ZSWIM9: variants seen among roughly 807,000 people sequenced by gnomAD.
ZSWIM9 encodes the protein uncharacterized protein ZSWIM9.
In ZSWIM9, 11 loss-of-function variants were observed where a neutral mutation model predicts 25.0. The ratio of observed to expected loss-of-function variants is 0.44; its 90% CI spans 0.28 to 0.73. ZSWIM9 has a LOEUF of 0.73. ZSWIM9 is among the 30% of genes least tolerant of loss of function. ZSWIM9 has a pLI of 0.16. For missense variants in ZSWIM9, 1,070 were observed against 1,296.5 expected (o/e 0.83, Z 2.68); for synonymous variants, 562 against 582.1 (o/e 0.97, Z 0.50).
chr19:48,189,576 A>C (rs1372018708), intron 3 of ZSWIM9: 4 of 148,876 alleles, frequency 2.7e-5, no homozygotes, highest in Admixed American at 6.8e-5. Flanking sequence ...CTAAACAAAC[A>C]AAAAAAAAAG....
rs1265733591 is a variant in ZSWIM9 at position 48,197,208 on chromosome 19, T to C, written c.*381T>C. On this transcript the variant is annotated 3_prime_UTR_variant, in exon 4 of 4. Coordinates refer to ENST00000614654, the MANE Select transcript of ZSWIM9 (RefSeq NM_199341.4). ...TCTGGCAAGAGTAGACTGGCCAGTC[T>C]AGGGAGTGCAGCGGGGAGAGGGGAA... 8.6e-6 allele frequency: 6 copies of C among 698,852 alleles called. No homozygotes were observed. The Admixed American group carries it at 1.2e-4, about 14-fold the overall frequency. 43.3% of individuals were successfully genotyped at this position (698,852 alleles called of 1,614,324 possible).
Position 48,197,355 on chromosome 19 carries a change from T to G in ZSWIM9, c.*528T>G. 1.5e-6 allele frequency: 1 copy of G among 685,076 alleles called. No homozygotes were observed. The highest frequency in any genetic ancestry group is 2.7e-5 in the East Asian group (1 of 36,638). The allele number at this position is 685,076 out of a possible 1,614,324, so 42.4% of individuals were successfully genotyped here. A position where few individuals can be genotyped will look rare whatever the true frequency, so the allele number is the denominator to read the frequency against. ...CAGAAATGAAGACATGAGGAAAAGC[T>G]GGGGGAAGCAGGAGAGGAAGGGACG... On this transcript the variant is annotated 3_prime_UTR_variant, in exon 4 of 4. Transcript: ENST00000614654.
chr19:48,185,587 C>T (rs1168977230), intron 3 of ZSWIM9, among the ~76,000 whole-genome samples: 1 of 152,212 alleles, frequency 6.6e-6, no homozygotes, highest in African/African-American at 2.4e-5. Context: ...CATCCTGTCC[C>T]CCAGGTCCCC....
chr19:48,195,066 C>A lies in ZSWIM9; in HGVS notation c.1002C>A (p.Gly334=). The change falls in exon 4 of 4, where the codon GGC becomes GGA. Residue 334 remains glycine, a synonymous_variant. Coordinates refer to ENST00000614654, the MANE Select transcript of ZSWIM9 (RefSeq NM_199341.4). This position sits in a 1 kb window ranked among gnomAD's most constrained non-coding sequence, Gnocchi z 5.8. ...TCAGCAAGGCGCAGGAGCTGGGCGG[C>A]GCCGGCCGCGAGGACCCGGGCCTGT... ...TLFSKAQELG[G]AGREDPGLWS... is the part of the protein sequence containing the mutation. 2.2e-6 allele frequency: 3 copies of A among 1,372,342 alleles called. No homozygotes were observed. Among genetic ancestry groups the A allele is most frequent in the Non-Finnish European group, 9.3e-7 (1 of 1,071,778 alleles). 85.0% of individuals were successfully genotyped at this position (1,372,342 alleles called of 1,614,324 possible).
Position 48,171,791 on chromosome 19 carries a change from C to G in ZSWIM9, c.-9-3C>G. On this transcript the variant is annotated splice_polypyrimidine_tract_variant and splice_region_variant and intron_variant, in intron 1 of 3. Coordinates refer to ENST00000614654, the MANE Select transcript of ZSWIM9 (RefSeq NM_199341.4). ...TCCACCTGTTCTCCCCTCCTCCACG[C>G]AGGCCCCCAGGATGGAGCGGCCGGA... The G allele has an allele frequency of 1.3e-6, 2 of 1,527,326 alleles. No homozygotes were observed. Among genetic ancestry groups the G allele is most frequent in the Non-Finnish European group, 1.8e-6 (2 of 1,142,780 alleles). The allele number at this position is 1,527,326 out of a possible 1,614,324, so 94.6% of individuals were successfully genotyped here. A position where few individuals can be genotyped will look rare whatever the true frequency, so the allele number is the denominator to read the frequency against.
chr19:48,192,468 A>ATAT (rs1173330681), intron 3 of ZSWIM9, among the ~76,000 whole-genome samples: 772 of 23,174 alleles, frequency 0.033, 167 homozygotes, highest in Non-Finnish European at 0.057. Context: ...AAAAAAAAAA[A>ATAT]AAAAAAAAAA....
intron 3 of ZSWIM9, among the ~76,000 whole-genome samples, chr19:48,188,957 G>C (rs945054698): frequency 1.1e-4 from 16 of 152,048 alleles, no homozygotes; most frequent in Non-Finnish European, 1.8e-4. Context: ...CGTGAACCCG[G>C]AAGGCGGAGC....
intron 3 of ZSWIM9, among the ~76,000 whole-genome samples, chr19:48,187,075 G>A (rs980177971): frequency 2.6e-5 from 4 of 151,644 alleles, no homozygotes; most frequent in African/African-American, 4.8e-5. Context: ...CTTTGCTACC[G>A]GTTCTCAGCA....
rs1349047809 is a variant in ZSWIM9, at chr19:48,196,751, C to T, written c.2687C>T (p.Ala896Val). 18 of 1,233,390 alleles carry T rather than the reference C, an allele frequency of 1.5e-5. No individual in the cohort carries two copies. In the East Asian group the frequency reaches 2.8e-4, roughly 19 times the overall value. 76.4% of individuals were successfully genotyped at this position (1,233,390 alleles called of 1,614,324 possible). Residue 896 changes from alanine to valine, a missense_variant, in exon 4 of 4, where the codon GCG becomes GTG. By Grantham distance (64) the Ala-to-Val change is moderately conservative. This residue lies in a region of ZSWIM9 where 583 missense variants were observed against 624.7 expected (regional missense o/e 0.93). Coordinates refer to ENST00000614654, the MANE Select transcript of ZSWIM9 (RefSeq NM_199341.4). ...RRLPCRHLFA[A>V]RLLTGAALFH... The stretch of plus-strand genomic sequence containing the variant: ...CTGCCCTGCAGACACCTCTTTGCAG[C>T]GCGCCTCCTCACTGGGGCTGCCTTA...
chr19:48,195,978 G>A lies in ZSWIM9; in HGVS notation c.1914G>A (p.Gly638=). 7.6e-7 allele frequency: 1 copy of A among 1,312,058 alleles called. No individual in the cohort carries two copies. Among genetic ancestry groups the A allele is most frequent in the Non-Finnish European group, 9.7e-7 (1 of 1,034,612 alleles). 81.3% of individuals were successfully genotyped at this position (1,312,058 alleles called of 1,614,324 possible). A position where few individuals can be genotyped will look rare whatever the true frequency, so the allele number is the denominator to read the frequency against. Residue 638 remains glycine, a synonymous_variant, in exon 4 of 4, where the codon GGG becomes GGA. Coordinates refer to ENST00000614654, the MANE Select transcript of ZSWIM9 (RefSeq NM_199341.4). The surrounding 1 kb of genome is among the most constrained non-coding windows in gnomAD (Gnocchi z 5.8). ...RGAQLHDERA[G]GLRTAEWKGP... The stretch of plus-strand genomic sequence containing the variant: ...CGCAGCTGCACGATGAAAGGGCAGG[G>A]GGACTGAGAACTGCAGAATGGAAGG...
intron 3 of ZSWIM9, among the ~76,000 whole-genome samples, chr19:48,183,833 G>C (rs568446968): frequency 2.0e-5 from 3 of 150,282 alleles, no homozygotes; most frequent in Non-Finnish European, 4.4e-5. Context: ...ATGTTTGGCG[G>C]GGGGGGGTCT....
At chr19:48,176,006 G>A (rs561285498) in intron 2 of ZSWIM9, among the ~76,000 whole-genome samples, 51 of 152,320 alleles carry the variant, frequency 3.3e-4, no homozygotes, top group African/African-American at 1.2e-3. Flanking sequence ...AGGAGTTTGA[G>A]ACCAGCCTGG....
chr19:48,172,791 A>G (rs1395671050), intron 2 of ZSWIM9, among the ~76,000 whole-genome samples: 1 of 152,146 alleles, frequency 6.6e-6, no homozygotes, highest in African/African-American at 2.4e-5. Context: ...CTGGGATTAC[A>G]GCCGCGAGCC....
At chr19:48,174,068 C>A (rs2036868952) in intron 2 of ZSWIM9, among the ~76,000 whole-genome samples, 1 of 151,916 alleles carries the variant, frequency 6.6e-6, no homozygotes, top group African/African-American at 2.4e-5. Context: ...AGGTTTGCCC[C>A]AAACCCTGCC....
intron 2 of ZSWIM9, among the ~76,000 whole-genome samples, chr19:48,180,259 G>A (rs1409460135): frequency 6.6e-6 from 1 of 151,398 alleles, no homozygotes; most frequent in African/African-American, 2.4e-5. Context: ...CAGGTGATCC[G>A]CCCACCTCGG....
At chr19:48,171,352 A>G (rs1362280190) in intron 1 of ZSWIM9, 2 of 985,278 alleles carry the variant, frequency 2.0e-6, no homozygotes, top group Non-Finnish European at 1.2e-6. Flanking sequence ...GGCACATGGA[A>G]GGAGGAGTTC....
intron 1 of ZSWIM9, chr19:48,171,468 G>A: frequency 1.2e-6 from 1 of 826,592 alleles, no homozygotes; most frequent in Non-Finnish European, 1.5e-6. Context: ...ATGTCCTTAA[G>A]GGACATCTGA....
chr19:48,194,424 G>C lies in ZSWIM9; in HGVS notation c.589-229G>C, dbSNP rs1161473959. 1.3e-5 allele frequency among the ~76,000 whole-genome samples: 2 copies of C among 152,212 alleles called. No individual in the cohort carries two copies. The highest frequency in any genetic ancestry group is 4.8e-5 in the African/African-American group (2 of 41,460). On this transcript the variant is annotated intron_variant, in intron 3 of 3. Coordinates refer to ENST00000614654, the MANE Select transcript of ZSWIM9 (RefSeq NM_199341.4). This position sits in a 1 kb window ranked among gnomAD's most constrained non-coding sequence, Gnocchi z 6.0. ...AGTGTCATGTGGAAAAAATCACATA[G>C]CCGTTAGACTGTGGTACCTGGATCT...
chr19:48,175,723 T>G (rs2036885911), intron 2 of ZSWIM9, among the ~76,000 whole-genome samples: 1 of 152,076 alleles, frequency 6.6e-6, no homozygotes, highest in African/African-American at 2.4e-5. Context: ...TGTCCACTCC[T>G]TCCCCCTTGC....
Sources: gnomAD v4.1 joint callset for allele counts (sites outside exome capture counted in the v4.1 genomes callset) on GRCh38, gnomAD v4.1.1 for gene constraint, gnomAD v4.1.1 regional missense constraint, Gnocchi (gnomAD v3.1) non-coding constraint, MANE v1.5 for transcripts, NCBI Gene and HGNC (gene_info 2026-07-23, HGNC 2026-07-21) for gene names.